ZCCHC2: variants seen among roughly 807,000 people sequenced by gnomAD.
ZCCHC2 encodes the protein zinc finger CCHC domain-containing protein 2.
ZCCHC2 carries 39 observed loss-of-function variants against 103.6 expected under a neutral mutation model. That is an observed-to-expected ratio of 0.38 (90% CI 0.29 to 0.49). The LOEUF (loss-of-function observed/expected upper bound fraction) is 0.49, where lower values mean the gene tolerates loss of function less well. Among genes scored for constraint, ZCCHC2 ranks in the 20% least tolerant of loss-of-function variants. ZCCHC2 has a pLI of 0.96. For synonymous variants in ZCCHC2, 687 were observed against 608.9 expected (o/e 1.13, Z -1.89); for missense variants, 1,483 against 1,491.0 (o/e 0.99, Z 0.09).
chr18:62,562,886 C>A, intron 8 of ZCCHC2, 123 bp from the exon 9 acceptor site: 4 of 1,085,280 alleles, frequency 3.7e-6, no homozygotes, highest in East Asian at 2.4e-5. Flanking sequence ...TTAGACCTAT[C>A]ATTAGGCATT....
chr18:62,549,500 A>AT (rs1310025274), intron 4 of ZCCHC2, among the ~76,000 whole-genome samples: 1 of 152,228 alleles, frequency 6.6e-6, no homozygotes, highest in Non-Finnish European at 1.5e-5. Flanking sequence ...ATTTGTATAG[A>AT]TTTTTGTATT....
Position 62,524,371 on chromosome 18 carries a change from G to T in ZCCHC2, c.939+8G>T, listed in dbSNP as rs1450307397. ...GCCGGCCCCAGGGCCCAGGTAAGGC[G>T]CACGGAGCCTCCCTGGACTCGCGGT... On this transcript the variant is annotated splice_region_variant and intron_variant, in intron 1 of 13. Transcript: ENST00000269499. The T allele has an allele frequency of 3.3e-6, 5 of 1,499,738 alleles. No homozygotes were observed. The highest frequency in any genetic ancestry group is 1.8e-6 in the Non-Finnish European group (2 of 1,128,262). The allele number at this position is 1,499,738 out of a possible 1,614,324, so 92.9% of individuals were successfully genotyped here.
chr18:62,537,616 C>T (rs1751025347), intron 1 of ZCCHC2, among the ~76,000 whole-genome samples: 1 of 152,176 alleles, frequency 6.6e-6, no homozygotes, highest in Non-Finnish European at 1.5e-5. Context: ...ATCAGAATTG[C>T]ATTCCTTTTT....
At chr18:62,524,736 C>T (rs1054918338) in intron 1 of ZCCHC2, 3 of 218,156 alleles carry the variant, frequency 1.4e-5, no homozygotes, top group Non-Finnish European at 2.7e-5. Context: ...CCGCCGGGCG[C>T]TGGAGGAACC....
At chr18:62,573,035 CT>C (rs945795567) in intron 12 of ZCCHC2, among the ~76,000 whole-genome samples, 9 of 152,062 alleles carry the variant, frequency 5.9e-5, no homozygotes, top group Admixed American at 1.3e-4. Flanking sequence ...CAGTAAGTAG[CT>C]TTCATTTAAT....
chr18:62,558,877 G>T lies in ZCCHC2; in HGVS notation c.1492+107G>T, dbSNP rs1242530169. On this transcript the variant is annotated intron_variant, in intron 7 of 13. Transcript: ENST00000269499. ...ATATAGGAATTGGAATGTGACAGAG[G>T]TTGCATTACAAATAAGTGGAGAAGG... The T allele has an allele frequency of 7.8e-6, 5 of 642,578 alleles. No individual in the cohort carries two copies. The East Asian group carries it at 1.6e-4, about 20-fold the overall frequency. 39.8% of individuals were successfully genotyped at this position (642,578 alleles called of 1,614,324 possible).
chr18:62,585,635 T>C (rs893934777), exon 15 of ZCCHC2: 5 of 152,216 alleles, frequency 3.3e-5, no homozygotes, highest in African/African-American at 1.2e-4. Flanking sequence ...CCACAGTCCA[T>C]GTGACCTTTC....
intron 11 of ZCCHC2, among the ~76,000 whole-genome samples, chr18:62,569,848 T>A (rs1916522495): frequency 6.6e-6 from 1 of 152,154 alleles, no homozygotes; most frequent in Non-Finnish European, 1.5e-5. Flanking sequence ...GGACAGACCC[T>A]GCAACCAACC....
chr18:62,544,717 G>T (rs1490115900), intron 3 of ZCCHC2, 85 bp from the exon 4 acceptor site: 3 of 1,036,596 alleles, frequency 2.9e-6, no homozygotes, highest in South Asian at 1.6e-5. Flanking sequence ...TTTAAGTAAG[G>T]CCCTTTGTTT....
intron 1 of ZCCHC2, among the ~76,000 whole-genome samples, chr18:62,531,821 C>T (rs1376580023): frequency 2.0e-5 from 3 of 147,234 alleles, no homozygotes; most frequent in Non-Finnish European, 4.5e-5. Flanking sequence ...AAAATGTTAG[C>T]TGGGTGTGGA....
At chr18:62,534,267 G>A (rs1000857031) in intron 1 of ZCCHC2, among the ~76,000 whole-genome samples, 3 of 150,274 alleles carry the variant, frequency 2.0e-5, no homozygotes, top group East Asian at 1.9e-4. Flanking sequence ...CCGTGATTGC[G>A]TTGCTGTGCA....
intron 12 of ZCCHC2, among the ~76,000 whole-genome samples, 192 bp downstream of exon 12, chr18:62,570,423 T>G (rs1916549839): frequency 6.6e-6 from 1 of 152,228 alleles, no homozygotes. Context: ...CCTAACAATG[T>G]TGATTTGATA....
intron 4 of ZCCHC2, among the ~76,000 whole-genome samples, chr18:62,549,474 A>G (rs563808321): frequency 1.3e-5 from 2 of 152,370 alleles, no homozygotes; most frequent in South Asian, 2.1e-4. Context: ...CTCAAAGCTC[A>G]ATATGTAAAT....
At chr18:62,582,949 C>T (rs984807921), downstream of ZCCHC2, among the ~76,000 whole-genome samples, 2 of 151,822 alleles carry the variant, frequency 1.3e-5, no homozygotes, top group Non-Finnish European at 2.9e-5. Flanking sequence ...ACAAAAAATA[C>T]AAAAATTAGC....
intron 1 of ZCCHC2, among the ~76,000 whole-genome samples, chr18:62,528,609 A>AAG (rs1232934596): frequency 6.6e-6 from 1 of 151,758 alleles, no homozygotes; most frequent in African/African-American, 2.4e-5. Context: ...GAAAAAAAAA[A>AAG]AAAACCTTGT....
At chr18:62,535,023 C>A (rs1914860861) in intron 1 of ZCCHC2, among the ~76,000 whole-genome samples, 1 of 152,216 alleles carries the variant, frequency 6.6e-6, no homozygotes, top group Admixed American at 6.5e-5. Context: ...GGCTCTGCTG[C>A]AGGTGCTAGA....
At chr18:62,560,964 A>G (rs886959865) in intron 8 of ZCCHC2, among the ~76,000 whole-genome samples, 3 of 152,174 alleles carry the variant, frequency 2.0e-5, no homozygotes, top group Non-Finnish European at 4.4e-5. Flanking sequence ...TTGTGCTTGT[A>G]CTGGTCCCAA....
intron 2 of ZCCHC2, among the ~76,000 whole-genome samples, chr18:62,540,627 A>C (rs2145496114): frequency 6.6e-6 from 1 of 152,308 alleles, no homozygotes; most frequent in East Asian, 1.9e-4. Flanking sequence ...AAACTCATTG[A>C]ACATACGAAT....
intron 1 of ZCCHC2, among the ~76,000 whole-genome samples, chr18:62,528,441 CA>C (rs542244567): frequency 6.6e-6 from 1 of 151,912 alleles, no homozygotes; most frequent in South Asian, 2.1e-4. Flanking sequence ...AAGAAAAATA[CA>C]AAAAAAGTTA....
Sources: gnomAD v4.1 joint callset for allele counts (sites outside exome capture counted in the v4.1 genomes callset) on GRCh38, gnomAD v4.1.1 for gene constraint, MANE v1.5 for transcripts, NCBI Gene and HGNC (gene_info 2026-07-23, HGNC 2026-07-21) for gene names.